The following CACNG2 variants were observed in gnomAD, a reference collection of about 807,000 sequenced individuals.
CACNG2 encodes the protein voltage-dependent calcium channel gamma-2 subunit.
A neutral mutation model predicts 25.9 loss-of-function variants in CACNG2; 3 were observed. The observed-to-expected ratio is 0.12, with a 90% CI of 0.05 to 0.30. The LOEUF (loss-of-function observed/expected upper bound fraction) is 0.30. Among genes scored for constraint, CACNG2 ranks in the 10% least tolerant of loss-of-function variants. The pLI is 1.00. For missense variants in CACNG2, 341 were observed against 432.5 expected (o/e 0.79, Z 1.88); for synonymous variants, 167 against 173.3 (o/e 0.96, Z 0.29).
At chr22:36,594,451 C>T (rs1346345165) in intron 1 of CACNG2, among the ~76,000 whole-genome samples, 2 of 152,204 alleles carry the variant, frequency 1.3e-5, no homozygotes, top group African/African-American at 4.8e-5. Context: ...TACTTTCTGT[C>T]CTCAAGGAAC....
intron 1 of CACNG2, among the ~76,000 whole-genome samples, chr22:36,678,519 CCAATTCTCAA>C (rs1937045301): frequency 1.3e-5 from 2 of 152,024 alleles, no homozygotes; most frequent in South Asian, 4.2e-4. Context: ...AAGACTCGAC[CCAATTCTCAA>C]GCCTTCTCCC....
At chr22:36,686,186 G>C (rs16997183) in intron 1 of CACNG2, among the ~76,000 whole-genome samples, 3,989 of 152,272 alleles carry the variant, frequency 0.026, 178 homozygotes, top group African/African-American at 0.092. Context: ...CTCCTGGCTT[G>C]GATGGGCCCC....
intron 1 of CACNG2, among the ~76,000 whole-genome samples, chr22:36,650,988 T>A (rs1258828831): frequency 4.6e-5 from 7 of 152,204 alleles, no homozygotes; most frequent in Non-Finnish European, 1.0e-4. Flanking sequence ...ACTTTCTTAC[T>A]AAAGTCTTCC....
In CACNG2 at chr22:36,562,060, G is replaced by A. The variant is rs796602992; in HGVS notation, c.*2291C>T. 14 of 152,372 alleles carry A rather than the reference G, an allele frequency of 9.2e-5. No homozygotes were observed. The highest frequency in any genetic ancestry group is 3.1e-4 in the African/African-American group (13 of 41,566). 9.4% of individuals were successfully genotyped at this position (152,372 alleles called of 1,614,324 possible). On this transcript the variant is annotated 3_prime_UTR_variant, in exon 4 of 4. Transcript: ENST00000300105. ...CATGATCGCAGCAAGGGGACACAAA[G>A]TGAAGAAGGGCTTTGGGGACCCCTG...
At chr22:36,698,788 G>A (rs1052996099) in intron 1 of CACNG2, among the ~76,000 whole-genome samples, 5 of 152,158 alleles carry the variant, frequency 3.3e-5, no homozygotes, top group East Asian at 3.9e-4. Flanking sequence ...GAGAAAACAC[G>A]GAGTCTGCTT....
chr22:36,614,664 G>C lies in CACNG2; in HGVS notation c.212-27116C>G, dbSNP rs1260011386. 1.3e-5 allele frequency among the ~76,000 whole-genome samples: 2 copies of C among 152,156 alleles called. 1 individual carries two copies. The highest frequency in any genetic ancestry group is 2.9e-5 in the Non-Finnish European group (2 of 68,028). ...CAGCACATCCACAGAGAGCAGGCAG[G>C]GTGGTGGGAGCAGCAAGTGGTGAGG... On this transcript the variant is annotated intron_variant, in intron 1 of 3. Coordinates refer to ENST00000300105, the MANE Select transcript of CACNG2 (RefSeq NM_006078.5).
intron 1 of CACNG2, among the ~76,000 whole-genome samples, chr22:36,663,006 C>A (rs2145985558): frequency 6.6e-6 from 1 of 150,934 alleles, no homozygotes; most frequent in Non-Finnish European, 1.5e-5. Context: ...GAAACTTGAA[C>A]ACTCACGATA....
At chr22:36,699,055 A>T (rs1937376873) in intron 1 of CACNG2, among the ~76,000 whole-genome samples, 1 of 152,184 alleles carries the variant, frequency 6.6e-6, no homozygotes, top group Non-Finnish European at 1.5e-5. Flanking sequence ...TGTAGATTTC[A>T]TTGAACTCTT....
chr22:36,589,238 C>T (rs1935551167), intron 1 of CACNG2, among the ~76,000 whole-genome samples: 1 of 152,144 alleles, frequency 6.6e-6, no homozygotes, highest in South Asian at 2.1e-4. Context: ...GATCTGCCTG[C>T]CTTGGCCTCC....
intron 1 of CACNG2, among the ~76,000 whole-genome samples, chr22:36,637,150 G>T (rs1936369032): frequency 6.6e-6 from 1 of 152,216 alleles, no homozygotes; most frequent in African/African-American, 2.4e-5. Context: ...AGTGGCCTGG[G>T]TGGCCTTAAG....
intron 1 of CACNG2, among the ~76,000 whole-genome samples, chr22:36,649,025 C>T (rs1325765160): frequency 1.3e-5 from 2 of 152,188 alleles, no homozygotes; most frequent in Non-Finnish European, 2.9e-5. Flanking sequence ...TTTGAACTCC[C>T]TTCCATGACT....
At chr22:36,679,197 C>CCTTCCTTCCTTTCTTTCTTT (rs1491420417) in intron 1 of CACNG2, among the ~76,000 whole-genome samples, 97 of 54,764 alleles carry the variant, frequency 1.8e-3, no homozygotes, top group African/African-American at 5.4e-3. Flanking sequence ...TTCCTTCCTT[C>CCTTCCTTCCTTTCTTTCTTT]CTTTCTTTCT....
chr22:36,643,502 A>G (rs754089565), intron 1 of CACNG2, among the ~76,000 whole-genome samples: 33 of 151,690 alleles, frequency 2.2e-4, no homozygotes, highest in Non-Finnish European at 4.1e-4. Flanking sequence ...CTATCTATCT[A>G]TCTATCTATC....
At chr22:36,598,487 G>A (rs955495891) in intron 1 of CACNG2, among the ~76,000 whole-genome samples, 12 of 150,662 alleles carry the variant, frequency 8.0e-5, no homozygotes, top group Admixed American at 1.3e-4. Context: ...GCTTGGTGGC[G>A]GGGGCCTGTA....
chr22:36,580,223 G>C (rs1311307292), intron 2 of CACNG2, among the ~76,000 whole-genome samples: 1 of 152,128 alleles, frequency 6.6e-6, no homozygotes, highest in Non-Finnish European at 1.5e-5. Context: ...GTGTGCCAAA[G>C]CCTGCCTCCC....
chr22:36,652,168 T>C (rs530943177), intron 1 of CACNG2, among the ~76,000 whole-genome samples: 4 of 152,066 alleles, frequency 2.6e-5, no homozygotes, highest in Admixed American at 2.0e-4. Context: ...GCCCATCCTG[T>C]TTCTTAAATA....
At chr22:36,615,702 G>A (rs1376946648) in intron 1 of CACNG2, among the ~76,000 whole-genome samples, 2 of 152,312 alleles carry the variant, frequency 1.3e-5, no homozygotes, top group African/African-American at 2.4e-5. Context: ...GCTTTGCTCT[G>A]CTCACTGTTG....
intron 1 of CACNG2, among the ~76,000 whole-genome samples, chr22:36,651,026 T>A (rs1461635088): frequency 1.3e-5 from 2 of 152,194 alleles, no homozygotes; most frequent in South Asian, 2.1e-4. Context: ...AATTGCAAAC[T>A]TCTCTTCCTA....
chr22:36,678,382 G>A (rs1937043714), intron 1 of CACNG2, among the ~76,000 whole-genome samples: 1 of 152,034 alleles, frequency 6.6e-6, no homozygotes, highest in Non-Finnish European at 1.5e-5. Context: ...TAACCCCAGG[G>A]TGAATCAAAG....
Sources: gnomAD v4.1 joint callset for allele counts (sites outside exome capture counted in the v4.1 genomes callset) on GRCh38, gnomAD v4.1.1 for gene constraint, MANE v1.5 for transcripts, NCBI Gene and HGNC (gene_info 2026-07-23, HGNC 2026-07-21) for gene names.